The following UPF2 variants were observed in gnomAD, a reference collection of about 807,000 sequenced individuals.
UPF2 encodes the protein regulator of nonsense transcripts 2.
In UPF2, 17 loss-of-function variants were observed where a neutral mutation model predicts 141.4. That is an observed-to-expected ratio of 0.12 (90% confidence interval 0.08 to 0.18). UPF2 has a LOEUF of 0.18. Ranked by LOEUF, UPF2 falls within the 10% of genes least tolerant of loss-of-function variation. The pLI, the probability that UPF2 is intolerant of heterozygous loss-of-function variation, is 1.00. For missense variants in UPF2, 1,152 were observed against 1,515.9 expected, an observed-to-expected ratio of 0.76 and a Z score of 3.99; for synonymous variants, 540 against 498.0, an observed-to-expected ratio of 1.08 and a Z score of -1.12.
At chr10:11,928,737 A>G (rs765255397) in intron 21 of UPF2, 29 of 355,786 alleles carry the variant, frequency 8.2e-5, no homozygotes, top group Non-Finnish European at 1.5e-4. Flanking sequence ...AAACCATAAA[A>G]GAGGTCTTAT....
chr10:11,969,707 TGAGC>T (rs1310909686), intron 9 of UPF2, among the ~76,000 whole-genome samples: 1 of 152,238 alleles, frequency 6.6e-6, no homozygotes, highest in African/African-American at 2.4e-5. Flanking sequence ...CCTTATTTTC[TGAGC>T]TTCGAGGATT....
At chr10:11,922,898 T>G (rs894426948) in intron 21 of UPF2, among the ~76,000 whole-genome samples, 2 of 152,034 alleles carry the variant, frequency 1.3e-5, no homozygotes, top group Non-Finnish European at 2.9e-5. Context: ...ATTAGCCATT[T>G]GTAGTGGTGT....
chr10:11,955,392 G>A lies in UPF2; in HGVS notation c.2690C>T (p.Thr897Ile), dbSNP rs1383130929. ...GCCATCAGGATTAACACCAAATGAG[G>A]TAAAAGAATACAGAGTTCTGAAAAT... is the stretch of plus-strand genomic sequence containing the variant. ...AVIFRTLYSF[T>I]SFGVNPDGSP... Residue 897 changes from threonine to isoleucine, a missense_variant, in exon 14 of 22, where the codon ACC becomes ATC. Coordinates refer to ENST00000357604, the MANE Select transcript of UPF2 (RefSeq NM_015542.4). The A allele has an allele frequency of 6.2e-6, 10 of 1,614,004 alleles. No homozygotes were observed. Among genetic ancestry groups the A allele is most frequent in the Non-Finnish European group, 6.8e-6 (8 of 1,180,022 alleles).
chr10:11,954,390 T>G lies in UPF2; in HGVS notation c.2850+842A>C, dbSNP rs191675361. ...ACTCACGCCTGTTAATCCCAGAACGTTGGGAGGCCGAGGTGGGCAGATCAC... is the reference window on the plus strand; with the variant it reads ...ACTCACGCCTGTTAATCCCAGAACGGTGGGAGGCCGAGGTGGGCAGATCAC... On this transcript the variant is annotated intron_variant, in intron 14 of 21. Transcript: ENST00000357604. 1.6e-3 allele frequency among the ~76,000 whole-genome samples: 242 copies of G among 151,928 alleles called. 1 individual carries two copies. Among genetic ancestry groups the G allele is most frequent in the African/African-American group, 5.4e-3 (224 of 41,406 alleles).
chr10:12,028,536 T>C (rs914219359), intron 3 of UPF2, among the ~76,000 whole-genome samples: 1 of 152,208 alleles, frequency 6.6e-6, no homozygotes, highest in African/African-American at 2.4e-5. Context: ...TTGGCAGATT[T>C]TTTTAAAATC....
rs182429739 is a variant in UPF2 at position 12,019,642 on chromosome 10, C to T, written c.1146-5458G>A. ...TTGTTATAAAAATAAAAAAAAATTG[C>T]CTTCCTTTCGGCAACATACGTGAGA... On this transcript the variant is annotated intron_variant, in intron 3 of 21. Transcript: ENST00000357604. The surrounding 1 kb of genome is among the most constrained non-coding windows in gnomAD (Gnocchi z 4.5). 3.5e-4 allele frequency among the ~76,000 whole-genome samples: 54 copies of T among 152,296 alleles called. No homozygotes were observed. Among genetic ancestry groups the T allele is most frequent in the African/African-American group, 1.3e-3 (54 of 41,566 alleles).
chr10:11,962,816 A>G (rs113705523), intron 11 of UPF2, among the ~76,000 whole-genome samples: 2,997 of 152,182 alleles, frequency 0.02, 76 homozygotes, highest in Admixed American at 0.065. Context: ...CAGCTGTTTT[A>G]TTCAACTGGT....
At chr10:12,023,563 G>A (rs1834355416) in intron 3 of UPF2, among the ~76,000 whole-genome samples, 1 of 151,568 alleles carries the variant, frequency 6.6e-6, no homozygotes, top group Admixed American at 6.6e-5. Flanking sequence ...GGTGGTGCAT[G>A]CCTGTAATCC....
intron 15 of UPF2, among the ~76,000 whole-genome samples, chr10:11,950,552 C>G (rs1833060786): frequency 6.6e-6 from 1 of 152,138 alleles, no homozygotes; most frequent in African/African-American, 2.4e-5. Context: ...TTTAATTTAG[C>G]CTTTTGATCT....
chr10:11,987,586 C>T (rs1303142687), intron 8 of UPF2, among the ~76,000 whole-genome samples: 2 of 151,216 alleles, frequency 1.3e-5, no homozygotes, highest in African/African-American at 2.4e-5. Context: ...CATGAAACCC[C>T]GTCTCTACTA....
chr10:11,961,594 A>C (rs2399767), intron 11 of UPF2, among the ~76,000 whole-genome samples: 1 of 151,684 alleles, frequency 6.6e-6, no homozygotes, highest in Admixed American at 6.6e-5. Flanking sequence ...GATCACTGAC[A>C]AGCTTCAAGC....
chr10:11,963,355 C>CATTCATTT (rs369200355), intron 11 of UPF2, among the ~76,000 whole-genome samples: 7 of 152,126 alleles, frequency 4.6e-5, no homozygotes, highest in South Asian at 2.1e-4. Context: ...TTCATTCATT[C>CATTCATTT]GAGACAGGGT....
chr10:11,959,419 AAACTT>A lies in UPF2; in HGVS notation c.2185-68_2185-64del. ...TTCTAAGATTCCTTTACTCCTAACT[AAACTT>A]CTATTCTCAGTGATTTGCTATTTCA... On this transcript the variant is annotated intron_variant, in intron 11 of 21. Coordinates refer to ENST00000357604, the MANE Select transcript of UPF2 (RefSeq NM_015542.4). The surrounding 1 kb of genome is among the most constrained non-coding windows in gnomAD (Gnocchi z 5.9). 1 of 1,475,578 alleles carries A rather than the reference AAACTT, an allele frequency of 6.8e-7. No individual in the cohort carries two copies. Among genetic ancestry groups the A allele is most frequent in the Non-Finnish European group, 9.0e-7 (1 of 1,108,408 alleles). The allele number at this position is 1,475,578 out of a possible 1,614,324, so 91.4% of individuals were successfully genotyped here. A position where few individuals can be genotyped will look rare whatever the true frequency, so the allele number is the denominator to read the frequency against.
At chr10:11,984,029 T>G (rs1299850335) in intron 8 of UPF2, among the ~76,000 whole-genome samples, 1 of 152,052 alleles carries the variant, frequency 6.6e-6, no homozygotes. Context: ...GTTCAAGCAA[T>G]TCTCCTGCCT....
In UPF2 at chr10:11,967,355, G is replaced by T; in HGVS notation, c.2053C>A (p.Leu685Met). The change falls in exon 10 of 22, where the codon CTG (leucine) becomes ATG (methionine). Residue 685 changes from leucine to methionine, a missense_variant. Leu to Met is a conservative substitution (Grantham distance 15). Transcript: ENST00000357604. The stretch of plus-strand genomic sequence containing the variant: ...TCAGCACTAACCTTTAAACAATGCA[G>T]TGTGTCATTTTTGGTGAACATCTTA... ...KFKMFTKNDT[L>M]HCLKMLLSDF... is the part of the protein sequence containing the mutation. 6.4e-7 allele frequency: 1 copy of T among 1,571,578 alleles called. No homozygotes were observed. The highest frequency in any genetic ancestry group is 8.6e-7 in the Non-Finnish European group (1 of 1,163,336).
At chr10:11,938,892 G>T (rs1832900396) in intron 18 of UPF2, among the ~76,000 whole-genome samples, 1 of 75,706 alleles carries the variant, frequency 1.3e-5, no homozygotes, top group Non-Finnish European at 2.4e-5. Flanking sequence ...TGGAGACGGA[G>T]TCTCACTCTG....
intron 4 of UPF2, among the ~76,000 whole-genome samples, chr10:12,006,019 A>G (rs1428130875): frequency 2.6e-5 from 4 of 151,964 alleles, no homozygotes; most frequent in Admixed American, 2.6e-4. Context: ...AGCTGGGACT[A>G]CAGGCATGCG....
chr10:12,039,267 T>A (rs142562696), intron 1 of UPF2, among the ~76,000 whole-genome samples: 61 of 152,282 alleles, frequency 4.0e-4, no homozygotes, highest in African/African-American at 1.5e-3. Flanking sequence ...GAACCCATTC[T>A]CTGAACCAAA....
At chr10:12,009,481 G>A (rs1427177170) in intron 4 of UPF2, among the ~76,000 whole-genome samples, 1 of 152,224 alleles carries the variant, frequency 6.6e-6, no homozygotes, top group Admixed American at 6.5e-5. Context: ...AGCCTCTTCT[G>A]CACAAGGTGA....
Sources: gnomAD v4.1 joint callset for allele counts (sites outside exome capture counted in the v4.1 genomes callset) on GRCh38, gnomAD v4.1.1 for gene constraint, Gnocchi (gnomAD v3.1) non-coding constraint, MANE v1.5 for transcripts, NCBI Gene and HGNC (gene_info 2026-07-23, HGNC 2026-07-21) for gene names.